Variants in HCLS1 observed in about 807,000 individuals in gnomAD.
The protein encoded by HCLS1 is hematopoietic cell-specific Lyn substrate 1.
HCLS1 carries 44 observed loss-of-function variants against 68.6 expected under a neutral mutation model. That is an observed-to-expected ratio of 0.64 (90% CI 0.50 to 0.82). The LOEUF (loss-of-function observed/expected upper bound fraction) is 0.82, where lower values mean the gene tolerates loss of function less well. Ranked by LOEUF, HCLS1 falls within the 40% of genes least tolerant of loss-of-function variation. The probability of loss-of-function intolerance (pLI) is 0.00; values close to 1 mark genes in which losing one functional copy is unlikely to be tolerated. For synonymous variants in HCLS1, 217 were observed against 225.8 expected (o/e 0.96, Z 0.35); for missense variants, 602 against 612.1 (o/e 0.98, Z 0.17).
chr3:121,631,931 T>C lies in HCLS1; in HGVS notation c.1376A>G (p.Glu459Gly). 1.9e-6 allele frequency: 3 copies of C among 1,614,184 alleles called. No homozygotes were observed. Among genetic ancestry groups the C allele is most frequent in the Non-Finnish European group, 2.5e-6 (3 of 1,180,030 alleles). The change falls in exon 14 of 14, where the codon GAG becomes GGG. Residue 459 changes from glutamate (E) to glycine (G), a missense_variant. Transcript: ENST00000314583. ...FDPDDVITDI[E>G]MVDEGWWRGR... ...CCGCCACCAGCCCTCGTCCACCATC[T>C]CAATGTCAGTGATTACGTCGTCCGG...
rs1219837188 is a variant in HCLS1, at chr3:121,634,424, G to A, written c.692-6C>T. The A allele has an allele frequency of 6.2e-7, 1 of 1,613,794 alleles. No homozygotes were observed. The highest frequency in any genetic ancestry group is 1.1e-5 in the South Asian group (1 of 91,078). On this transcript the variant is annotated splice_polypyrimidine_tract_variant and splice_region_variant and intron_variant, in intron 9 of 13. Coordinates refer to ENST00000314583, the MANE Select transcript of HCLS1 (RefSeq NM_005335.6). ...CCCACGGGTACCACTAGAAGCTGCA[G>A]ACACAGGCAAGAAAAATTAGGGTTG... is the stretch of plus-strand genomic sequence containing the variant.
chr3:121,659,472 C>T (rs1292365292), intron 1 of HCLS1, among the ~76,000 whole-genome samples: 3 of 152,208 alleles, frequency 2.0e-5, no homozygotes, highest in Non-Finnish European at 2.9e-5. Flanking sequence ...AACCACTCCT[C>T]GGGTTCTCCT....
intron 4 of HCLS1, 83 bp downstream of exon 4, chr3:121,647,236 C>A: frequency 4.2e-6 from 6 of 1,444,100 alleles, no homozygotes; most frequent in Non-Finnish European, 5.7e-6. Context: ...CCACCTTGGC[C>A]TTCCAAAGTG....
intron 6 of HCLS1, among the ~76,000 whole-genome samples, chr3:121,641,261 C>A (rs2049195094): frequency 6.6e-6 from 1 of 151,642 alleles, no homozygotes; most frequent in South Asian, 2.1e-4. Context: ...TAGTCTGACA[C>A]AAGAGAGATG....
intron 5 of HCLS1, 114 bp from the exon 6 acceptor site, chr3:121,643,095 G>T: frequency 1.3e-6 from 1 of 773,482 alleles, no homozygotes; most frequent in Non-Finnish European, 2.3e-6. Context: ...GCTTCAGGCT[G>T]AGTATAGGTG....
chr3:121,637,029 C>A (rs928429126), intron 7 of HCLS1, 117 bp downstream of exon 7: 1 of 711,448 alleles, frequency 1.4e-6, no homozygotes, highest in East Asian at 2.6e-5. Context: ...TGCCCTGGCA[C>A]CCCCTGCTCT....
chr3:121,643,323 T>A (rs2049218016), intron 5 of HCLS1: 1 of 208,340 alleles, frequency 4.8e-6, no homozygotes, highest in African/African-American at 2.2e-5. Flanking sequence ...ATGAGAGAAA[T>A]GATCCCTCTT....
chr3:121,644,406 G>T (rs921631431), intron 5 of HCLS1: 1 of 317,220 alleles, frequency 3.2e-6, no homozygotes, highest in African/African-American at 2.2e-5. Context: ...TGTTTAACTT[G>T]ATTATCTGCT....
chr3:121,660,291 A>G (rs1035620044), intron 1 of HCLS1, among the ~76,000 whole-genome samples: 8 of 152,186 alleles, frequency 5.3e-5, no homozygotes, highest in Non-Finnish European at 8.8e-5. Flanking sequence ...GGTCTCCTTG[A>G]TTTCTGACAT....
At chr3:121,637,586 C>T (rs1403256911) in intron 6 of HCLS1, among the ~76,000 whole-genome samples, 1 of 152,214 alleles carries the variant, frequency 6.6e-6, no homozygotes, top group Middle Eastern at 3.4e-3. Flanking sequence ...TGCCTTTCCC[C>T]TACTCCCATA....
chr3:121,659,548 T>C (rs1334978479), intron 1 of HCLS1, among the ~76,000 whole-genome samples: 1 of 152,182 alleles, frequency 6.6e-6, no homozygotes, highest in Non-Finnish European at 1.5e-5. Flanking sequence ...TCTTCTCCAT[T>C]GAGCAACCTC....
intron 11 of HCLS1, among the ~76,000 whole-genome samples, chr3:121,632,803 G>A (rs1267522714): frequency 1.3e-5 from 2 of 152,002 alleles, no homozygotes; most frequent in Non-Finnish European, 1.5e-5. Context: ...AAAGGTGTGA[G>A]GGGAGGGAAG....
At chr3:121,632,603 C>G (rs1201347971) in intron 11 of HCLS1, 40 bp from the exon 12 acceptor site, 3 of 1,575,956 alleles carry the variant, frequency 1.9e-6, no homozygotes, top group Admixed American at 1.7e-5. Context: ...CTTCCACTTT[C>G]CAGGAGGAAT....
intron 4 of HCLS1, among the ~76,000 whole-genome samples, chr3:121,645,659 A>G (rs1011891684): frequency 9.9e-5 from 15 of 151,932 alleles, no homozygotes; most frequent in Admixed American, 7.9e-4. Context: ...TCTGCCATGT[A>G]TATCTTATGT....
chr3:121,638,318 C>T (rs2049168329), intron 6 of HCLS1, among the ~76,000 whole-genome samples: 1 of 152,168 alleles, frequency 6.6e-6, no homozygotes, highest in South Asian at 2.1e-4. Context: ...CCACCTCAGC[C>T]TCCCAAAATG....
chr3:121,634,504 G>A (rs1560137048), intron 9 of HCLS1, 86 bp from the exon 10 acceptor site: 10 of 1,251,576 alleles, frequency 8.0e-6, no homozygotes, highest in Non-Finnish European at 1.0e-5. Context: ...AGGGGAATCA[G>A]TTAAATATCC....
intron 4 of HCLS1, 73 bp downstream of exon 4, chr3:121,647,246 G>C (rs1937627425): frequency 2.0e-6 from 3 of 1,522,540 alleles, no homozygotes; most frequent in Non-Finnish European, 1.8e-6. Context: ...CTTCCAAAGT[G>C]CTGGGATTAC....
chr3:121,658,921 T>TGTAA (rs1394799990), intron 1 of HCLS1, among the ~76,000 whole-genome samples: 1 of 152,152 alleles, frequency 6.6e-6, no homozygotes, highest in Non-Finnish European at 1.5e-5. Flanking sequence ...CTCACAGCTG[T>TGTAA]GTAAGGTCAG....
rs781671214 is a variant in HCLS1 at position 121,635,727 on chromosome 3, A to C, written c.691+8T>G. On this transcript the variant is annotated splice_region_variant and intron_variant, in intron 9 of 13. Coordinates refer to ENST00000314583, the MANE Select transcript of HCLS1 (RefSeq NM_005335.6). ...GAGGTGCATGGAGAGTGAATCACTAAGCCTCACCGGCTTCTATGGGCGTCG... is the reference window on the plus strand; with the variant it reads ...GAGGTGCATGGAGAGTGAATCACTACGCCTCACCGGCTTCTATGGGCGTCG... 1.4e-5 allele frequency: 22 copies of C among 1,610,584 alleles called. No individual in the cohort carries two copies. Among genetic ancestry groups the C allele is most frequent in the Non-Finnish European group, 1.8e-5 (21 of 1,176,878 alleles).
Sources: allele counts gnomAD v4.1 joint callset (sites outside exome capture counted in the v4.1 genomes callset), GRCh38; gene constraint gnomAD v4.1.1; transcripts MANE v1.5; gene names NCBI Gene and HGNC (gene_info 2026-07-23, HGNC 2026-07-21).